Variants in EP400 observed in about 807,000 individuals in gnomAD.
EP400 encodes the protein E1A-binding protein p400.
In EP400, 105 loss-of-function variants were observed where a neutral mutation model predicts 354.1. That is an observed-to-expected ratio of 0.30 (90% confidence interval 0.25 to 0.35). The LOEUF is 0.35. Ranked by LOEUF, EP400 falls within the 10% of genes least tolerant of loss-of-function variation. EP400 has a pLI of 1.00. For synonymous variants in EP400, 1,646 were observed against 1,716.9 expected, an observed-to-expected ratio of 0.96 and a Z score of 1.02; for missense variants, 3,280 against 4,121.0, an observed-to-expected ratio of 0.80 and a Z score of 5.59.
chr12:131,967,282 G>C (rs948091647), intron 2 of EP400, among the ~76,000 whole-genome samples: 2 of 152,002 alleles, frequency 1.3e-5, no homozygotes, highest in Non-Finnish European at 2.9e-5. Context: ...TCGGGAGGCT[G>C]AGGTAGGAGA....
rs1414436632 is a variant in EP400, at chr12:131,961,035, C to T, written c.416C>T (p.Pro139Leu). The T allele has an allele frequency of 6.3e-7, 1 of 1,591,758 alleles. No individual in the cohort carries two copies. The highest frequency in any genetic ancestry group is 8.6e-7 in the Non-Finnish European group (1 of 1,169,426). The change falls in exon 2 of 53, where the codon CCC becomes CTC. Residue 139 changes from proline to leucine, a missense_variant. Pro to Leu is a moderately conservative substitution (Grantham distance 98, BLOSUM62 -3). Coordinates refer to ENST00000389561, the MANE Select transcript of EP400 (RefSeq NM_015409.5). The stretch of plus-strand genomic sequence containing the variant: ...GTCCAGACCCAGAGTCCCACGCAGC[C>T]CAGTCCGGGGCCGGGGCAGGCCTTG... ...QQVQTQSPTQ[P>L]SPGPGQALQN...
Position 132,045,307 on chromosome 12 carries a change from C to T in EP400, c.6785-12C>T. The T allele has an allele frequency of 6.2e-7, 1 of 1,613,778 alleles. No homozygotes were observed. The highest frequency in any genetic ancestry group is 8.5e-7 in the Non-Finnish European group (1 of 1,179,776). On this transcript the variant is annotated splice_polypyrimidine_tract_variant and intron_variant, in intron 37 of 52. Transcript: ENST00000389561. ...GGTTTACTCTCTTGCTGAAGACTGCCTCTCTGTTCAGCTGCAGGCAGGAAG... is the reference window on the plus strand; with the variant it reads ...GGTTTACTCTCTTGCTGAAGACTGCTTCTCTGTTCAGCTGCAGGCAGGAAG...
chr12:132,034,280 A>G (rs1894618461), intron 30 of EP400, among the ~76,000 whole-genome samples: 1 of 152,234 alleles, frequency 6.6e-6, no homozygotes, highest in African/African-American at 2.4e-5. Flanking sequence ...GTGCAGGAAC[A>G]GGGCATCTGA....
At chr12:132,055,501 G>A (rs1895460568) in intron 45 of EP400, among the ~76,000 whole-genome samples, 1 of 128,254 alleles carries the variant, frequency 7.8e-6, no homozygotes. Context: ...GTGAGGTGTA[G>A]GTGTGTGTGT....
intron 51 of EP400, chr12:132,076,102 G>T (rs1452060625): frequency 4.4e-6 from 1 of 227,064 alleles, no homozygotes; most frequent in East Asian, 9.9e-5. Flanking sequence ...CCCCACTTCA[G>T]CTGGCTGCCC....
chr12:131,963,383 A>G (rs535700984), intron 2 of EP400: 2 of 611,516 alleles, frequency 3.3e-6, no homozygotes, highest in Admixed American at 5.6e-5. Flanking sequence ...TAAATCTGTC[A>G]GTTCAGTATC....
At chr12:132,008,088 A>G (rs1893645120) in intron 15 of EP400, among the ~76,000 whole-genome samples, 2 of 152,174 alleles carry the variant, frequency 1.3e-5, no homozygotes, top group Non-Finnish European at 2.9e-5. Context: ...AGCTGGGATT[A>G]TAGGCATGCG....
chr12:131,976,649 G>A (rs60168096), intron 2 of EP400, among the ~76,000 whole-genome samples: 1 of 152,188 alleles, frequency 6.6e-6, no homozygotes, highest in Admixed American at 6.5e-5. Context: ...GGTGGAGGTT[G>A]CAGTGAGGCG....
intron 38 of EP400, 52 bp downstream of exon 38, chr12:132,045,612 C>T (rs765315558): frequency 1.2e-5 from 20 of 1,606,742 alleles, no homozygotes; most frequent in Non-Finnish European, 1.5e-5. Flanking sequence ...ATTTTTCTAA[C>T]GCACGTCCGT....
intron 1 of EP400, among the ~76,000 whole-genome samples, chr12:131,955,790 A>T (rs1566157994): frequency 6.6e-6 from 1 of 151,974 alleles, no homozygotes; most frequent in East Asian, 1.9e-4. Context: ...GATTACAGGA[A>T]CATGCAACCA....
At chr12:131,967,418 T>C (rs1892139063) in intron 2 of EP400, among the ~76,000 whole-genome samples, 1 of 150,722 alleles carries the variant, frequency 6.6e-6, no homozygotes, top group Non-Finnish European at 1.5e-5. Context: ...CTGGGCACAG[T>C]GGCTCATGCC....
At chr12:131,970,766 A>T (rs1892261868) in intron 2 of EP400, among the ~76,000 whole-genome samples, 1 of 152,206 alleles carries the variant, frequency 6.6e-6, no homozygotes, top group African/African-American at 2.4e-5. Context: ...ATAAAATTTT[A>T]TAAAGTGTAC....
At chr12:132,060,020 TA>T (rs80274208) in intron 45 of EP400, among the ~76,000 whole-genome samples, 3,478 of 143,272 alleles carry the variant, frequency 0.024, 90 homozygotes, top group African/African-American at 0.07. Flanking sequence ...GAGACTCCGT[TA>T]AAAAAAAAAA....
intron 30 of EP400, among the ~76,000 whole-genome samples, chr12:132,036,480 G>A (rs1416952908): frequency 2.6e-5 from 4 of 151,622 alleles, no homozygotes; most frequent in South Asian, 4.2e-4. Context: ...GTGGAAGCAC[G>A]CACCCAGGTT....
rs1346455567 is a variant in EP400 at position 131,965,258 on chromosome 12, CT to C, written c.1335+3310del. On this transcript the variant is annotated intron_variant, in intron 2 of 52. Transcript: ENST00000389561. ...TCCAGTGGAAATTTATTTATTTTTC[CT>C]TTTTTAAATGATGAGTAATTTGGGG... Among the ~76,000 whole-genome samples, 18 of 152,206 alleles carry C rather than the reference CT, an allele frequency of 1.2e-4. No individual in the cohort carries two copies. The East Asian group carries it at 2.9e-3, about 24-fold the overall frequency.
intron 30 of EP400, 113 bp downstream of exon 30, chr12:132,032,262 A>C: frequency 8.1e-7 from 1 of 1,233,016 alleles, no homozygotes; most frequent in South Asian, 1.6e-5. Flanking sequence ...TTTGCAGGAG[A>C]TATTGGTGCA....
At chr12:131,981,455 C>A (rs1892678017) in intron 3 of EP400, 34 bp from the exon 4 acceptor site, 2 of 1,496,350 alleles carry the variant, frequency 1.3e-6, no homozygotes, top group Non-Finnish European at 1.8e-6. Context: ...TTTATTTTTA[C>A]ATCAAACTGC....
chr12:131,971,365 T>C (rs1368899772), intron 2 of EP400, among the ~76,000 whole-genome samples: 2 of 152,352 alleles, frequency 1.3e-5, no homozygotes, highest in East Asian at 3.9e-4. Context: ...GTATATACTA[T>C]ATTATCTGTT....
chr12:132,074,263 C>G (rs1200447633), intron 51 of EP400, among the ~76,000 whole-genome samples: 1 of 152,210 alleles, frequency 6.6e-6, no homozygotes, highest in Non-Finnish European at 1.5e-5. Context: ...ATCATTTCCT[C>G]ACTGTGGCTG....
Sources: allele counts gnomAD v4.1 joint callset (sites outside exome capture counted in the v4.1 genomes callset), GRCh38; gene constraint gnomAD v4.1.1; transcripts MANE v1.5; gene names NCBI Gene and HGNC (gene_info 2026-07-23, HGNC 2026-07-21).